The following ATF7 variants were observed in gnomAD, a reference collection of about 807,000 sequenced individuals.
ATF7 encodes the protein cyclic AMP-dependent transcription factor ATF-7.
A neutral mutation model predicts 50.4 loss-of-function variants in ATF7; 10 were observed. The observed-to-expected ratio is 0.20, with a 90% CI of 0.12 to 0.34. ATF7 has a LOEUF of 0.34. Ranked by LOEUF, ATF7 falls within the 10% of genes least tolerant of loss-of-function variation. The pLI is 1.00. For synonymous variants in ATF7, 201 were observed against 226.4 expected, an observed-to-expected ratio of 0.89 and a Z score of 1.01; for missense variants, 465 against 613.9, an observed-to-expected ratio of 0.76 and a Z score of 2.56.
downstream of ATF7, among the ~76,000 whole-genome samples, chr12:53,508,662 G>A (rs1474297096): frequency 6.6e-6 from 1 of 152,066 alleles, no homozygotes; most frequent in Non-Finnish European, 1.5e-5. Flanking sequence ...ATCCTCACTA[G>A]AGAGCACTGC....
chr12:53,537,825 G>A (rs1003096182), intron 4 of ATF7, among the ~76,000 whole-genome samples: 2 of 152,014 alleles, frequency 1.3e-5, no homozygotes, highest in South Asian at 2.1e-4. Context: ...AGATTCTCCC[G>A]CCTCAGCCTC....
intron 3 of ATF7, among the ~76,000 whole-genome samples, chr12:53,545,311 A>G (rs1340460739): frequency 6.6e-6 from 1 of 152,044 alleles, no homozygotes; most frequent in African/African-American, 2.4e-5. Context: ...TAAAAAAATC[A>G]GTAAGTGTTT....
chr12:53,620,748 C>CA (rs1028111050), intron 1 of ATF7, among the ~76,000 whole-genome samples: 1,331 of 111,880 alleles, frequency 0.012, 19 homozygotes, highest in African/African-American at 0.035. Flanking sequence ...GACTTCGTCT[C>CA]AAAAAAAAAA....
chr12:53,595,123 A>G (rs1415609199), intron 2 of ATF7, among the ~76,000 whole-genome samples: 1 of 152,230 alleles, frequency 6.6e-6, no homozygotes. Flanking sequence ...GAACTAGATG[A>G]ATTATTGAAT....
chr12:53,524,414 A>C lies in ATF7; in HGVS notation c.1125+150T>G, dbSNP rs1938316976. The C allele has an allele frequency of 2.2e-6, 2 of 914,398 alleles. No individual in the cohort carries two copies. The highest frequency in any genetic ancestry group is 3.2e-6 in the Non-Finnish European group (2 of 619,406). The allele number at this position is 914,398 out of a possible 1,614,324, so 56.6% of individuals were successfully genotyped here. ...ACCAATACCTATGAAAGAGATTTCAACTCTGACCGTTAAGAGATTCTTCAT... is the reference window on the plus strand; with the variant it reads ...ACCAATACCTATGAAAGAGATTTCACCTCTGACCGTTAAGAGATTCTTCAT... On this transcript the variant is annotated intron_variant, in intron 10 of 11. Transcript: ENST00000420353. The surrounding 1 kb of genome is among the most constrained non-coding windows in gnomAD (Gnocchi z 4.6).
chr12:53,529,449 C>G (rs1299286451), intron 9 of ATF7, among the ~76,000 whole-genome samples: 3 of 151,294 alleles, frequency 2.0e-5, no homozygotes, highest in Non-Finnish European at 4.4e-5. Context: ...GATCCGCCCA[C>G]CTCGGCCTCC....
At chr12:53,546,087 G>A (rs1939885940) in intron 3 of ATF7, among the ~76,000 whole-genome samples, 1 of 152,122 alleles carries the variant, frequency 6.6e-6, no homozygotes, top group Admixed American at 6.6e-5. Context: ...AGCTACTTGG[G>A]AGGCTGAGGC....
rs1004924246 is a variant in ATF7, at chr12:53,581,779, G to A, written c.48+19174C>T. Reference sequence around the variant, plus strand: ...TAAGCTTCCACCTTAGAAAACTAGGGGGAAAAAGAGCAAATTAAATCCAAA... The same window carrying A: ...TAAGCTTCCACCTTAGAAAACTAGGAGGAAAAAGAGCAAATTAAATCCAAA... On this transcript the variant is annotated intron_variant, in intron 2 of 11. Transcript: ENST00000420353. Among the ~76,000 whole-genome samples the A allele has an allele frequency of 9.9e-5, 15 of 151,484 alleles. 1 individual carries two copies. Among genetic ancestry groups the A allele is most frequent in the Admixed American group, 7.9e-4 (12 of 15,194 alleles).
chr12:53,608,021 C>T (rs905749378), intron 1 of ATF7, among the ~76,000 whole-genome samples: 6 of 151,960 alleles, frequency 3.9e-5, no homozygotes, highest in African/African-American at 1.4e-4. Context: ...AGATCGAGAC[C>T]ATCCTGGCCA....
intron 1 of ATF7, among the ~76,000 whole-genome samples, chr12:53,620,575 CAA>C (rs34516346): frequency 7.4e-3 from 561 of 75,746 alleles, no homozygotes; most frequent in African/African-American, 0.024. Flanking sequence ...GACTCCGTCT[CAA>C]AAAAAAAAAA....
intron 1 of ATF7, among the ~76,000 whole-genome samples, chr12:53,610,443 T>C (rs1436070321): frequency 6.6e-6 from 1 of 151,500 alleles, no homozygotes; most frequent in Non-Finnish European, 1.5e-5. Flanking sequence ...CAGGCACCTG[T>C]AATCCCAGCT....
intron 8 of ATF7, 144 bp from the exon 9 acceptor site, chr12:53,532,040 A>G: frequency 1.0e-6 from 1 of 972,310 alleles, no homozygotes; most frequent in East Asian, 2.6e-5. Context: ...TTAAGAGAAA[A>G]TGACAGGCAG....
At chr12:53,624,428 T>C (rs1383762656) in intron 1 of ATF7, among the ~76,000 whole-genome samples, 1 of 152,214 alleles carries the variant, frequency 6.6e-6, no homozygotes, top group Non-Finnish European at 1.5e-5. Flanking sequence ...AGAGAAGGAA[T>C]GTAAAAGCAA....
intron 9 of ATF7, among the ~76,000 whole-genome samples, chr12:53,526,601 A>C (rs1024371110): frequency 6.6e-6 from 1 of 152,148 alleles, no homozygotes; most frequent in Non-Finnish European, 1.5e-5. Flanking sequence ...TGGTAATCCC[A>C]ATACTTTGGG....
In ATF7 at chr12:53,556,966, C is replaced by T. The variant is rs545903218; in HGVS notation, c.49-4329G>A. ...TAAGATGGGATCTCATTATGTTGCC[C>T]AGGCTGTTCTTGAACTCCTGGGCTC... On this transcript the variant is annotated intron_variant, in intron 2 of 11. Transcript: ENST00000420353. Among the ~76,000 whole-genome samples the T allele has an allele frequency of 3.9e-5, 6 of 152,190 alleles. No individual in the cohort carries two copies. In the South Asian group the frequency reaches 1.0e-3, roughly 26 times the overall value.
chr12:53,518,527 A>G (rs1284152981), intron 11 of ATF7, among the ~76,000 whole-genome samples: 7 of 152,236 alleles, frequency 4.6e-5, no homozygotes, highest in Admixed American at 4.6e-4. Context: ...GCACAATCAC[A>G]GCTCACAGCA....
chr12:53,566,602 G>C (rs1941457281), intron 2 of ATF7, among the ~76,000 whole-genome samples: 1 of 152,156 alleles, frequency 6.6e-6, no homozygotes, highest in Admixed American at 6.5e-5. Flanking sequence ...CTCTGATAGT[G>C]AGGCAACAGG....
chr12:53,624,255 T>G (rs556894016), intron 1 of ATF7, among the ~76,000 whole-genome samples: 14 of 152,332 alleles, frequency 9.2e-5, no homozygotes, highest in African/African-American at 3.4e-4. Context: ...CAGCAATGAA[T>G]TGGTCTCAAT....
chr12:53,516,345 G>C lies in ATF7; in HGVS notation c.*792C>G, dbSNP rs1299956194. On this transcript the variant is annotated 3_prime_UTR_variant, in exon 12 of 12. Transcript: ENST00000420353. Reference sequence around the variant, plus strand: ...ATCTTTAATAATAAGGCCACAAAATGAGGTTGCCAAGGCTTAGTGGGGTGG... The same window carrying C: ...ATCTTTAATAATAAGGCCACAAAATCAGGTTGCCAAGGCTTAGTGGGGTGG... 1 of 152,258 alleles carries C rather than the reference G, an allele frequency of 6.6e-6. No homozygotes were observed. Among genetic ancestry groups the C allele is most frequent in the Non-Finnish European group, 1.5e-5 (1 of 68,004 alleles). The allele number at this position is 152,258 out of a possible 1,614,324, so 9.4% of individuals were successfully genotyped here. A position where few individuals can be genotyped will look rare whatever the true frequency, so the allele number is the denominator to read the frequency against.
Sources: gnomAD v4.1 joint callset for allele counts (sites outside exome capture counted in the v4.1 genomes callset) on GRCh38, gnomAD v4.1.1 for gene constraint, Gnocchi (gnomAD v3.1) non-coding constraint, MANE v1.5 for transcripts, NCBI Gene and HGNC (gene_info 2026-07-23, HGNC 2026-07-21) for gene names.